Variants in GALNT11 observed in about 807,000 individuals in gnomAD.
The protein encoded by GALNT11 is polypeptide N-acetylgalactosaminyltransferase 11.
In GALNT11, 47 loss-of-function variants were observed where a neutral mutation model predicts 72.7. The observed-to-expected ratio is 0.65, with a 90% CI of 0.51 to 0.82. The LOEUF (loss-of-function observed/expected upper bound fraction) is 0.82, where lower values mean the gene tolerates loss of function less well. GALNT11 is among the 40% of genes least tolerant of loss of function. The pLI, the probability that GALNT11 is intolerant of heterozygous loss-of-function variation, is 0.00. For synonymous variants in GALNT11, 270 were observed against 286.6 expected, an observed-to-expected ratio of 0.94 and a Z score of 0.58; for missense variants, 677 against 778.4, an observed-to-expected ratio of 0.87 and a Z score of 1.55.
At chr7:152,121,519 A>G (rs745755754) in intron 11 of GALNT11, 27 bp from the exon 12 acceptor site, 39 of 1,600,018 alleles carry the variant, frequency 2.4e-5, no homozygotes, top group Non-Finnish European at 3.2e-5. Context: ...AATTGGCAGT[A>G]TTTTTTTGTT....
At chr7:152,074,507 A>C (rs903756075) in intron 1 of GALNT11, 4 of 152,098 alleles carry the variant, frequency 2.6e-5, no homozygotes, top group Non-Finnish European at 4.4e-5. Context: ...ATCAGTTTTT[A>C]TGCCAGTACC....
chr7:152,103,037 A>AT (rs1195909660), intron 3 of GALNT11, 75 bp from the exon 4 acceptor site: 1 of 1,391,398 alleles, frequency 7.2e-7, no homozygotes, highest in African/African-American at 1.4e-5. Context: ...GGGACAGTAA[A>AT]TCTGTAGGTG....
intron 2 of GALNT11, among the ~76,000 whole-genome samples, chr7:152,099,922 G>A (rs2086708531): frequency 1.3e-5 from 2 of 150,046 alleles, no homozygotes; most frequent in Admixed American, 1.3e-4. Context: ...ACAGGTGTGA[G>A]CCACTGAGCC....
At chr7:152,065,432 T>C (rs926597699) in intron 1 of GALNT11, among the ~76,000 whole-genome samples, 1 of 152,226 alleles carries the variant, frequency 6.6e-6, no homozygotes, top group Admixed American at 6.5e-5. Context: ...GTCTGAACCC[T>C]TCTCTCAACT....
intron 1 of GALNT11, chr7:152,074,896 CCCTTT>C (rs2084862013): frequency 6.6e-6 from 1 of 152,226 alleles, no homozygotes; most frequent in African/African-American, 2.4e-5. Flanking sequence ...GGGAGGAATG[CCCTTT>C]GCATTCCCCT....
chr7:152,091,450 C>T (rs367698969), intron 1 of GALNT11, among the ~76,000 whole-genome samples: 1 of 152,182 alleles, frequency 6.6e-6, no homozygotes, highest in African/African-American at 2.4e-5. Flanking sequence ...CCATGTTGGC[C>T]GGGCTGGTCT....
At chr7:152,092,014 C>G (rs995381425) in intron 1 of GALNT11, among the ~76,000 whole-genome samples, 6 of 152,136 alleles carry the variant, frequency 3.9e-5, no homozygotes, top group Non-Finnish European at 8.8e-5. Flanking sequence ...TTGAGGAAAA[C>G]AACCTGTAAG....
intron 3 of GALNT11, 116 bp from the exon 4 acceptor site, chr7:152,102,996 A>G (rs921796732): frequency 1.9e-5 from 18 of 933,386 alleles, no homozygotes; most frequent in Non-Finnish European, 2.4e-5. Flanking sequence ...AAAAAAAAAA[A>G]GGCAGGGGGT....
intron 1 of GALNT11, among the ~76,000 whole-genome samples, chr7:152,029,360 G>A (rs765179512): frequency 3.3e-5 from 5 of 152,192 alleles, no homozygotes; most frequent in Non-Finnish European, 5.9e-5. Context: ...TCCTGTAGCA[G>A]TGGCCATTTC....
At position 152,121,774 on chromosome 7, in the gene GALNT11, T is replaced by C. The variant is rs2089452912; in HGVS notation, c.*97T>C. 1.4e-6 allele frequency: 2 copies of C among 1,459,870 alleles called. No individual in the cohort carries two copies. The highest frequency in any genetic ancestry group is 1.9e-6 in the Non-Finnish European group (2 of 1,080,026). 90.4% of individuals were successfully genotyped at this position (1,459,870 alleles called of 1,614,324 possible). ...GCCTGGGTTGGGTGGAGCAGAACCA[T>C]CTTGGAGAAGATGACAGTTCCCTGT... On this transcript the variant is annotated 3_prime_UTR_variant, in exon 12 of 12. Transcript: ENST00000430044.
intron 4 of GALNT11, 192 bp downstream of exon 4, chr7:152,103,470 C>G (rs1228205976): frequency 4.1e-6 from 2 of 493,418 alleles, no homozygotes; most frequent in Non-Finnish European, 6.8e-6. Flanking sequence ...CTATGCTACC[C>G]AAATTTGGGC....
chr7:152,053,487 A>T (rs1419622920), intron 1 of GALNT11, among the ~76,000 whole-genome samples: 1 of 152,242 alleles, frequency 6.6e-6, no homozygotes, highest in Non-Finnish European at 1.5e-5. Flanking sequence ...ATCATCTTCA[A>T]GTGTTTCAGA....
intron 10 of GALNT11, chr7:152,119,824 A>AAAGATTGTACCACTGC (rs2089258284): frequency 6.6e-6 from 1 of 152,206 alleles, no homozygotes; most frequent in Non-Finnish European, 1.5e-5. Context: ...TGCAGTAAGC[A>AAAGATTGTACCACTGC]AAGATTGTAC....
chr7:152,040,639 ATAAAG>A (rs923192384), intron 1 of GALNT11, among the ~76,000 whole-genome samples: 5 of 151,082 alleles, frequency 3.3e-5, no homozygotes, highest in South Asian at 4.3e-4. Context: ...AATTGGGTAA[ATAAAG>A]TAATCAGTTG....
At position 152,120,871 on chromosome 7, in the gene GALNT11, G is replaced by A. The variant is rs776876938; in HGVS notation, c.1598G>A (p.Ser533Asn). Residue 533 changes from serine (S) to asparagine (N), a missense_variant, in exon 11 of 12, where the codon AGT becomes AAT. Coordinates refer to ENST00000430044, the MANE Select transcript of GALNT11 (RefSeq NM_022087.4). ...GAAGAGCATGAATTGGTTTTAAATA[G>A]TCTCCTTTGTCTAGATATGTCAGAG... Reference protein sequence around the residue: ...YNEEHELVLNSLLCLDMSETR... With the variant: ...YNEEHELVLNNLLCLDMSETR... The A allele has an allele frequency of 1.1e-4, 176 of 1,612,602 alleles. No individual in the cohort carries two copies. Among genetic ancestry groups the A allele is most frequent in the Non-Finnish European group, 1.4e-4 (170 of 1,178,848 alleles).
At position 152,110,531 on chromosome 7, in the gene GALNT11, A is replaced by C. The variant is rs147264589; in HGVS notation, c.966A>C (p.Ser322=). The part of the protein sequence containing the change: ...RAEGATAPIK[S]PTMAGGLFAM... ...ACAGTAATTTTCCTTTTTCTAGGTCACCAACAATGGCTGGAGGTTTGTTTG... is the reference window on the plus strand; with the variant it reads ...ACAGTAATTTTCCTTTTTCTAGGTCCCCAACAATGGCTGGAGGTTTGTTTG... Residue 322 remains serine (S), a synonymous_variant, in exon 7 of 12, where the codon TCA becomes TCC. Transcript: ENST00000430044. 3 of 1,612,126 alleles carry C rather than the reference A, an allele frequency of 1.9e-6. No individual in the cohort carries two copies. Among genetic ancestry groups the C allele is most frequent in the Non-Finnish European group, 8.5e-7 (1 of 1,179,454 alleles).
intron 3 of GALNT11, 53 bp from the exon 4 acceptor site, chr7:152,103,059 A>C: frequency 1.3e-6 from 2 of 1,517,242 alleles, no homozygotes; most frequent in Non-Finnish European, 1.8e-6. Context: ...ATAATAATCT[A>C]AACCATTCGA....
intron 1 of GALNT11, among the ~76,000 whole-genome samples, chr7:152,031,400 T>A (rs1207329673): frequency 6.6e-6 from 1 of 152,200 alleles, no homozygotes; most frequent in Non-Finnish European, 1.5e-5. Context: ...GGGCCACGCA[T>A]GTATGTATTT....
intron 1 of GALNT11, among the ~76,000 whole-genome samples, chr7:152,037,550 T>C (rs1263379308): frequency 6.6e-6 from 1 of 152,218 alleles, no homozygotes; most frequent in African/African-American, 2.4e-5. Context: ...TTGTTTTTGC[T>C]CAGATAGCAT....
Sources: gnomAD v4.1 joint callset for allele counts (sites outside exome capture counted in the v4.1 genomes callset) on GRCh38, gnomAD v4.1.1 for gene constraint, MANE v1.5 for transcripts, NCBI Gene and HGNC (gene_info 2026-07-23, HGNC 2026-07-21) for gene names.